USP48: variants seen among roughly 807,000 people sequenced by gnomAD.
USP48 encodes the protein ubiquitin specific peptidase 48.
USP48 carries 43 observed loss-of-function variants against 150.7 expected under a neutral mutation model. The observed-to-expected ratio is 0.29, with a 90% CI of 0.22 to 0.37. The LOEUF (loss-of-function observed/expected upper bound fraction) is 0.37. USP48 is among the 10% of genes least tolerant of loss of function. USP48 has a pLI of 1.00. For missense variants in USP48, 813 were observed against 1,249.6 expected, an observed-to-expected ratio of 0.65 and a Z score of 5.27; for synonymous variants, 396 against 425.9, an observed-to-expected ratio of 0.93 and a Z score of 0.86.
intron 11 of USP48, chr1:21,727,770 G>T: frequency 1.7e-6 from 1 of 597,546 alleles, no homozygotes; most frequent in Non-Finnish European, 2.1e-6. Context: ...TTATAGACTT[G>T]GCAATTTTTG....
intron 16 of USP48, 73 bp downstream of exon 16, chr1:21,706,671 G>C (rs1482575388): frequency 7.4e-6 from 12 of 1,611,490 alleles, no homozygotes; most frequent in African/African-American, 1.3e-5. Context: ...CAGAAGTACA[G>C]TGTTAATTCC....
chr1:21,751,534 T>C lies in USP48; in HGVS notation c.747A>G (p.Leu249=), dbSNP rs774552556. 7.4e-6 allele frequency: 12 copies of C among 1,613,942 alleles called. No homozygotes were observed. In the East Asian group the frequency reaches 2.7e-4, roughly 36 times the overall value. Residue 249 remains leucine (L), a synonymous_variant, in exon 6 of 27, where the codon TTA becomes TTG. Transcript: ENST00000308271. The part of the protein sequence containing the change: ...LELNIQGHKQ[L]TDCISEFLKE... ...TCAAAAATTCCGAGATACAATCTGT[T>C]AACTGTTTGTGGCCTTGGATATTTA...
At chr1:21,689,834 G>T in intron 24 of USP48, 140 bp downstream of exon 24, 3 of 1,190,382 alleles carry the variant, frequency 2.5e-6, no homozygotes, top group Non-Finnish European at 3.5e-6. Context: ...GGGCTGAGCT[G>T]CAAAAACCCA....
intron 8 of USP48, among the ~76,000 whole-genome samples, chr1:21,745,945 T>A (rs959403573): frequency 6.6e-6 from 1 of 152,244 alleles, no homozygotes; most frequent in African/African-American, 2.4e-5. Context: ...TTGAAAACAG[T>A]TTCCTTGTTC....
In USP48 at chr1:21,724,112, C is replaced by A. The variant is rs771278945; in HGVS notation, c.1451-17G>T. The stretch of plus-strand genomic sequence containing the variant: ...CATAGGGCTCTGAGAAAGCAAGCAT[C>A]GGAAAGAGCCTATGTATTTTTACAG... On this transcript the variant is annotated splice_polypyrimidine_tract_variant and intron_variant, in intron 11 of 26. Coordinates refer to ENST00000308271, the MANE Select transcript of USP48 (RefSeq NM_032236.8). 6.2e-7 allele frequency: 1 copy of A among 1,612,184 alleles called. No homozygotes were observed. The highest frequency in any genetic ancestry group is 1.1e-5 in the South Asian group (1 of 90,982).
intron 1 of USP48, among the ~76,000 whole-genome samples, chr1:21,773,440 T>C (rs2097888169): frequency 6.7e-6 from 1 of 149,386 alleles, no homozygotes; most frequent in Admixed American, 6.7e-5. Flanking sequence ...AGGCTGAGGA[T>C]TTCTTGGGCC....
intron 22 of USP48, 98 bp from the exon 23 acceptor site, chr1:21,695,319 T>G (rs2097624131): frequency 7.7e-7 from 1 of 1,301,552 alleles, no homozygotes; most frequent in South Asian, 1.5e-5. Context: ...GTTTCCTTAT[T>G]GGTCCCTTAA....
chr1:21,723,440 G>C (rs2097727433), intron 12 of USP48, among the ~76,000 whole-genome samples: 1 of 151,818 alleles, frequency 6.6e-6, no homozygotes, highest in Admixed American at 6.6e-5. Context: ...CTTGAACCCA[G>C]GAGGCGAAGG....
chr1:21,683,658 T>C (rs1045820129), intron 25 of USP48, among the ~76,000 whole-genome samples: 16 of 152,206 alleles, frequency 1.1e-4, no homozygotes, highest in African/African-American at 3.9e-4. Flanking sequence ...TTTCTTTGTG[T>C]TGGGAACATT....
At chr1:21,711,391 T>C (rs1160736361) in intron 15 of USP48, among the ~76,000 whole-genome samples, 1 of 152,112 alleles carries the variant, frequency 6.6e-6, no homozygotes, top group Non-Finnish European at 1.5e-5. Context: ...TTGAGATCAC[T>C]GCCCCCTCTA....
chr1:21,751,359 A>T, intron 6 of USP48, 148 bp downstream of exon 6: 1 of 618,646 alleles, frequency 1.6e-6, no homozygotes, highest in Admixed American at 2.9e-5. Context: ...TACTTCATAA[A>T]GTGTCTTCTG....
At chr1:21,735,318 A>AC (rs1381477703) in intron 9 of USP48, among the ~76,000 whole-genome samples, 2 of 152,272 alleles carry the variant, frequency 1.3e-5, no homozygotes, top group African/African-American at 4.8e-5. Context: ...AAGCATTGCT[A>AC]CCTGGGCGTG....
At chr1:21,767,432 C>G (rs1006430661) in intron 1 of USP48, among the ~76,000 whole-genome samples, 1 of 152,122 alleles carries the variant, frequency 6.6e-6, no homozygotes, top group African/African-American at 2.4e-5. Flanking sequence ...TCAAGTGATT[C>G]TCCTGCCTCA....
At chr1:21,718,747 G>T (rs943356445) in intron 14 of USP48, among the ~76,000 whole-genome samples, 1 of 151,824 alleles carries the variant, frequency 6.6e-6, no homozygotes, top group Non-Finnish European at 1.5e-5. Flanking sequence ...TAGTAGAGAA[G>T]GGGTTTCACC....
At chr1:21,745,203 G>A (rs190957916) in intron 8 of USP48, among the ~76,000 whole-genome samples, 12 of 152,114 alleles carry the variant, frequency 7.9e-5, no homozygotes, top group South Asian at 2.1e-4. Context: ...TTACGACAGC[G>A]TGTAAAAGAC....
chr1:21,705,765 C>T lies in USP48; in HGVS notation c.2346G>A (p.Met782Ile). The change falls in exon 19 of 27, where the codon ATG becomes ATA. Residue 782 changes from methionine (M) to isoleucine (I), a missense_variant. Transcript: ENST00000308271. Reference protein sequence around the residue: ...SALLCPHGGLMFTFASMTKED... With the variant: ...SALLCPHGGLIFTFASMTKED... Reference sequence around the variant, plus strand: ...CTTTGGTCATGGAAGCAAATGTAAACATGAGGCCCCCGTGGGGACACAAAA... The same window carrying T: ...CTTTGGTCATGGAAGCAAATGTAAATATGAGGCCCCCGTGGGGACACAAAA... 6.2e-7 allele frequency: 1 copy of T among 1,612,050 alleles called. No individual in the cohort carries two copies. Among genetic ancestry groups the T allele is most frequent in the Non-Finnish European group, 8.5e-7 (1 of 1,179,416 alleles).
chr1:21,776,592 CAAAAAAAAA>C (rs59309344), intron 1 of USP48, among the ~76,000 whole-genome samples: 747 of 58,042 alleles, frequency 0.013, 10 homozygotes, highest in Admixed American at 0.02. Flanking sequence ...TGTCTTGTCT[CAAAAAAAAA>C]AAAAAAAAAA....
chr1:21,776,592 CAAAAAAAAAAA>C (rs59309344), intron 1 of USP48, among the ~76,000 whole-genome samples: 1,462 of 58,076 alleles, frequency 0.025, 55 homozygotes, highest in African/African-American at 0.081. Context: ...TGTCTTGTCT[CAAAAAAAAAAA>C]AAAAAAAAAA....
chr1:21,730,260 TG>T (rs2097753491), intron 9 of USP48, among the ~76,000 whole-genome samples: 1 of 151,896 alleles, frequency 6.6e-6, no homozygotes, highest in Non-Finnish European at 1.5e-5. Context: ...GGCCAAAACA[TG>T]GAGAAGCCCT....
Sources: gnomAD v4.1 joint callset for allele counts (sites outside exome capture counted in the v4.1 genomes callset) on GRCh38, gnomAD v4.1.1 for gene constraint, MANE v1.5 for transcripts, NCBI Gene and HGNC (gene_info 2026-07-23, HGNC 2026-07-21) for gene names.